Variants in AGBL3 observed in about 807,000 individuals in gnomAD.
AGBL3 encodes AGBL carboxypeptidase 3, also known as cytosolic carboxypeptidase 3.
In AGBL3, 68 loss-of-function variants were observed where a neutral mutation model predicts 94.5. The ratio of observed to expected loss-of-function variants is 0.72; its 90% confidence interval spans 0.59 to 0.88. The LOEUF is 0.88. AGBL3 is among the 40% of genes least tolerant of loss of function. The pLI is 0.00. For synonymous variants in AGBL3, 354 were observed against 370.7 expected (o/e 0.95, Z 0.52); for missense variants, 934 against 1,103.8 (o/e 0.85, Z 2.18).
At chr7:135,078,680 T>C (rs1820673459) in intron 13 of AGBL3, among the ~76,000 whole-genome samples, 1 of 152,224 alleles carries the variant, frequency 6.6e-6, no homozygotes, top group Non-Finnish European at 1.5e-5. Context: ...TAAAATTGTA[T>C]GAAATCATTA....
intron 1 of AGBL3, among the ~76,000 whole-genome samples, chr7:134,987,271 G>A (rs997857390): frequency 1.3e-5 from 2 of 152,150 alleles, no homozygotes; most frequent in African/African-American, 4.8e-5. Flanking sequence ...ATGGGAACTT[G>A]ACAAGAAATT....
At chr7:135,124,949 G>C (rs1215098609) in intron 16 of AGBL3, among the ~76,000 whole-genome samples, 1 of 152,126 alleles carries the variant, frequency 6.6e-6, no homozygotes, top group Non-Finnish European at 1.5e-5. Context: ...CAGAAAGCGA[G>C]AAAGATCTCA....
intron 15 of AGBL3, among the ~76,000 whole-genome samples, chr7:135,086,137 T>G (rs1563250084): frequency 6.6e-6 from 1 of 152,008 alleles, no homozygotes; most frequent in Admixed American, 6.6e-5. Context: ...TTTGATGGTT[T>G]ATTCTTGGGG....
chr7:135,021,237 T>C (rs564921967), intron 5 of AGBL3, among the ~76,000 whole-genome samples: 1 of 152,272 alleles, frequency 6.6e-6, no homozygotes, highest in African/African-American at 2.4e-5. Flanking sequence ...TCTACTTTGA[T>C]ATTCAATCTT....
At position 135,037,442 on chromosome 7, in the gene AGBL3, T is replaced by G. The variant is rs17852795; in HGVS notation, c.1362T>G (p.Ile454Met). Reference protein sequence around the residue: ...VHRLMEKREVILYCDLHGHSR... With the variant: ...VHRLMEKREVMLYCDLHGHSR... Reference sequence around the variant, plus strand: ...GACTGATGGAGAAACGAGAGGTTATTTTATACTGTGATCTTCATGGCCATA... The same window carrying G: ...GACTGATGGAGAAACGAGAGGTTATGTTATACTGTGATCTTCATGGCCATA... The change falls in exon 8 of 17, where the codon ATT becomes ATG. Residue 454 changes from isoleucine to methionine, a missense_variant. Around this residue, in one of 3 missense-constraint regions of AGBL3, gnomAD observed 488 missense variants for 563.6 expected, o/e 0.87. Coordinates refer to ENST00000436302, the MANE Select transcript of AGBL3 (RefSeq NM_178563.4). The G allele has an allele frequency of 4.5e-5, 69 of 1,546,056 alleles. No homozygotes were observed. Among genetic ancestry groups the G allele is most frequent in the Non-Finnish European group, 5.9e-5 (68 of 1,144,782 alleles).
intron 4 of AGBL3, among the ~76,000 whole-genome samples, chr7:135,009,872 A>T (rs767344980): frequency 2.0e-5 from 3 of 152,216 alleles, no homozygotes; most frequent in Non-Finnish European, 4.4e-5. Flanking sequence ...GTGGGCAACT[A>T]CTGAGGTCCA....
intron 13 of AGBL3, among the ~76,000 whole-genome samples, chr7:135,078,535 C>T (rs1314913081): frequency 6.6e-6 from 1 of 151,986 alleles, no homozygotes; most frequent in Non-Finnish European, 1.5e-5. Context: ...TTGCAAGACA[C>T]ATATTTATTT....
chr7:135,050,832 T>C (rs932044314), intron 11 of AGBL3, among the ~76,000 whole-genome samples: 6 of 152,060 alleles, frequency 3.9e-5, no homozygotes, highest in African/African-American at 9.7e-5. Flanking sequence ...TGTAGATAGA[T>C]TGTAGTTGGG....
intron 15 of AGBL3, chr7:135,101,235 C>G: frequency 2.2e-6 from 1 of 456,228 alleles, no homozygotes; most frequent in Non-Finnish European, 4.4e-6. Context: ...TATGGGCAAA[C>G]AAACTTCTAC....
At chr7:135,075,658 C>A (rs1329538610) in intron 12 of AGBL3, among the ~76,000 whole-genome samples, 1 of 152,204 alleles carries the variant, frequency 6.6e-6, no homozygotes, top group Non-Finnish European at 1.5e-5. Flanking sequence ...GACTGCCAAA[C>A]TGTTTTCCAA....
intron 5 of AGBL3, among the ~76,000 whole-genome samples, chr7:135,031,453 T>G (rs995167837): frequency 1.1e-4 from 17 of 152,102 alleles, no homozygotes; most frequent in Admixed American, 1.1e-3. Context: ...GAGATGGGTT[T>G]TTACCATGTT....
chr7:134,992,135 A>G (rs774350184), intron 3 of AGBL3, among the ~76,000 whole-genome samples: 1 of 152,252 alleles, frequency 6.6e-6, no homozygotes, highest in Non-Finnish European at 1.5e-5. Flanking sequence ...ACAAACTTGC[A>G]AATTTTACAT....
intron 7 of AGBL3, among the ~76,000 whole-genome samples, chr7:135,036,749 T>G (rs2116473401): frequency 6.6e-6 from 1 of 152,228 alleles, no homozygotes; most frequent in Non-Finnish European, 1.5e-5. Flanking sequence ...GCAGGTAGTA[T>G]TTACATTTAC....
chr7:135,002,662 A>G (rs186861143), intron 4 of AGBL3, among the ~76,000 whole-genome samples: 11 of 152,310 alleles, frequency 7.2e-5, no homozygotes, highest in African/African-American at 2.6e-4. Context: ...ACAAGGTCCA[A>G]ATCTTTCTTT....
chr7:135,085,686 G>C (rs759270433), intron 15 of AGBL3, among the ~76,000 whole-genome samples: 2 of 152,002 alleles, frequency 1.3e-5, no homozygotes, highest in African/African-American at 4.8e-5. Context: ...GGGGTTCTCT[G>C]TTCTGTCTCA....
chr7:135,134,728 G>T, intron 16 of AGBL3, 113 bp from the exon 17 acceptor site: 1 of 989,862 alleles, frequency 1.0e-6, no homozygotes, highest in Non-Finnish European at 1.4e-6. Context: ...TAAACTTTAA[G>T]AAGTTATGAA....
chr7:135,081,934 C>G, intron 15 of AGBL3, 144 bp downstream of exon 15: 2 of 506,608 alleles, frequency 3.9e-6, no homozygotes, highest in South Asian at 1.0e-4. Context: ...CAGTCAAAAC[C>G]AAAACAAAAG....
At chr7:135,010,848 C>T (rs953159294) in intron 4 of AGBL3, 7 of 152,126 alleles carry the variant, frequency 4.6e-5, no homozygotes, top group African/African-American at 1.7e-4. Flanking sequence ...AGGGAAATAG[C>T]ATGTTCATAG....
chr7:135,088,549 T>C (rs367683078), intron 15 of AGBL3, among the ~76,000 whole-genome samples: 45 of 152,222 alleles, frequency 3.0e-4, no homozygotes, highest in East Asian at 1.5e-3. Context: ...TTCCCTAGAT[T>C]ATTTCTTGTA....
Sources: gnomAD v4.1 joint callset for allele counts (sites outside exome capture counted in the v4.1 genomes callset) on GRCh38, gnomAD v4.1.1 for gene constraint, gnomAD v4.1.1 regional missense constraint, MANE v1.5 for transcripts, NCBI Gene and HGNC (gene_info 2026-07-23, HGNC 2026-07-21) for gene names.